The following CFAP77 variants were observed in gnomAD, a reference collection of about 807,000 sequenced individuals.
CFAP77 encodes cilia and flagella associated protein 77, also known as cilia- and flagella-associated protein 77.
CFAP77 carries 25 observed loss-of-function variants against 31.1 expected under a neutral mutation model. The ratio of observed to expected loss-of-function variants is 0.80; its 90% CI spans 0.59 to 1.12. The LOEUF (loss-of-function observed/expected upper bound fraction) is 1.12. Among genes scored for constraint, CFAP77 ranks in the 50% most tolerant of loss-of-function variants. The probability of loss-of-function intolerance (pLI) is 0.00; values close to 1 mark genes in which losing one functional copy is unlikely to be tolerated. For synonymous variants in CFAP77, 151 were observed against 159.9 expected (o/e 0.94, Z 0.42); for missense variants, 377 against 397.3 (o/e 0.95, Z 0.44).
At chr9:132,568,745 T>C (rs1220056588) in intron 5 of CFAP77, among the ~76,000 whole-genome samples, 1 of 152,016 alleles carries the variant, frequency 6.6e-6, no homozygotes, top group Non-Finnish European at 1.5e-5. Flanking sequence ...TGTCCCATAG[T>C]CTGGAGTGCA....
intron 3 of CFAP77, among the ~76,000 whole-genome samples, chr9:132,533,976 C>T (rs548304646): frequency 2.6e-5 from 4 of 152,336 alleles, no homozygotes; most frequent in African/African-American, 9.6e-5. Flanking sequence ...TTTCCCCGAA[C>T]ATGTTTGGTA....
At chr9:132,440,286 A>G (rs764090290) in intron 1 of CFAP77, among the ~76,000 whole-genome samples, 11 of 151,732 alleles carry the variant, frequency 7.2e-5, no homozygotes, top group Non-Finnish European at 1.3e-4. Flanking sequence ...ACAGTGAGCC[A>G]TGGTTACACC....
At chr9:132,439,154 G>A (rs1344055520) in intron 1 of CFAP77, among the ~76,000 whole-genome samples, 1 of 152,106 alleles carries the variant, frequency 6.6e-6, no homozygotes, top group Non-Finnish European at 1.5e-5. Context: ...GGGATTACAG[G>A]CATGAGCCAC....
chr9:132,506,320 T>G (rs542523753), intron 3 of CFAP77, among the ~76,000 whole-genome samples: 1 of 152,308 alleles, frequency 6.6e-6, no homozygotes, highest in South Asian at 2.1e-4. Flanking sequence ...TATGTAACTA[T>G]TAAAGACACA....
rs79764324 is a variant in CFAP77, at chr9:132,455,089, G to A, written c.196-43606G>A. Among the ~76,000 whole-genome samples, 8,566 of 152,288 alleles carry A rather than the reference G, an allele frequency of 0.056. 788 individuals carry two copies. The highest frequency in any genetic ancestry group is 0.19 in the African/African-American group (7,869 of 41,538). On this transcript the variant is annotated intron_variant, in intron 1 of 5. Coordinates refer to ENST00000393216, the MANE Select transcript of CFAP77 (RefSeq NM_001282957.2). This position sits in a 1 kb window ranked among gnomAD's most constrained non-coding sequence, Gnocchi z 4.1. ...ATGGGAAGGCCCAGTGATATCTTGT[G>A]AAGTTTGTTCTACTCGCAGATCCTA...
At chr9:132,500,920 A>G (rs1461998366) in intron 3 of CFAP77, among the ~76,000 whole-genome samples, 2 of 152,210 alleles carry the variant, frequency 1.3e-5, no homozygotes, top group Non-Finnish European at 2.9e-5. Flanking sequence ...CATCCAGTCA[A>G]CACCCCATCT....
intron 1 of CFAP77, among the ~76,000 whole-genome samples, chr9:132,450,829 C>G (rs936467199): frequency 3.3e-5 from 5 of 152,118 alleles, no homozygotes; most frequent in African/African-American, 1.2e-4. Context: ...GCTCAGAGAC[C>G]CAGGAGGAGG....
At position 132,498,609 on chromosome 9, in the gene CFAP77, A is replaced by G. The variant is rs1851783936; in HGVS notation, c.196-86A>G. On this transcript the variant is annotated intron_variant, in intron 1 of 5. Coordinates refer to ENST00000393216, the MANE Select transcript of CFAP77 (RefSeq NM_001282957.2). This position sits in a 1 kb window ranked among gnomAD's most constrained non-coding sequence, Gnocchi z 4.2. ...GGCAGGGCCTGGGGGAAATGCAGGC[A>G]TCTGGTGCCTCCCTGCTGCCGGATT... 2 of 1,035,816 alleles carry G rather than the reference A, an allele frequency of 1.9e-6. No individual in the cohort carries two copies. Among genetic ancestry groups the G allele is most frequent in the Non-Finnish European group, 1.5e-6 (1 of 687,104 alleles). The allele number at this position is 1,035,816 out of a possible 1,614,324, so 64.2% of individuals were successfully genotyped here.
intron 3 of CFAP77, among the ~76,000 whole-genome samples, chr9:132,534,167 CTGGGAAG>C (rs1564243857): frequency 2.6e-5 from 4 of 152,148 alleles, no homozygotes; most frequent in Non-Finnish European, 5.9e-5. Context: ...GACCCATCTG[CTGGGAAG>C]CTCCCCATCA....
chr9:132,450,878 G>A (rs1850813572), intron 1 of CFAP77, among the ~76,000 whole-genome samples: 2 of 152,214 alleles, frequency 1.3e-5, no homozygotes, highest in Non-Finnish European at 2.9e-5. Flanking sequence ...GCAGCAGAGG[G>A]CAAGAAACAA....
At chr9:132,446,916 T>G (rs1208703350) in intron 1 of CFAP77, among the ~76,000 whole-genome samples, 4 of 152,016 alleles carry the variant, frequency 2.6e-5, no homozygotes, top group Non-Finnish European at 5.9e-5. Context: ...AAAATTAATT[T>G]TAAAAATAAA....
intron 1 of CFAP77, among the ~76,000 whole-genome samples, chr9:132,412,420 T>C (rs1017829491): frequency 2.0e-5 from 3 of 152,238 alleles, no homozygotes; most frequent in Non-Finnish European, 4.4e-5. Context: ...GACGTCCACT[T>C]TTCAGTATTT....
chr9:132,549,468 A>G (rs553380312), intron 5 of CFAP77, among the ~76,000 whole-genome samples: 4 of 152,280 alleles, frequency 2.6e-5, no homozygotes, highest in Admixed American at 1.3e-4. Flanking sequence ...TGGAGTTGAC[A>G]CTTCCTCTGT....
At chr9:132,504,197 C>G (rs1589891949) in intron 3 of CFAP77, among the ~76,000 whole-genome samples, 1 of 152,344 alleles carries the variant, frequency 6.6e-6, no homozygotes, top group Non-Finnish European at 1.5e-5. Flanking sequence ...GTTCTGGAGT[C>G]CAGTTGTCAG....
At chr9:132,459,754 ATG>A (rs755805747) in intron 1 of CFAP77, among the ~76,000 whole-genome samples, 72 of 132,272 alleles carry the variant, frequency 5.4e-4, no homozygotes, top group Non-Finnish European at 7.6e-4. Flanking sequence ...GTGTGTGTGT[ATG>A]TGTGTGTATG....
rs536685672 is a variant in CFAP77 at position 132,482,741 on chromosome 9, T to C, written c.196-15954T>C. On this transcript the variant is annotated intron_variant, in intron 1 of 5. Transcript: ENST00000393216. ...CAAGGCAGCCTAGTTGGATTCTCATTTTTTTTTTCTTAAGAACACATGGAC... is the reference window on the plus strand; with the variant it reads ...CAAGGCAGCCTAGTTGGATTCTCATCTTTTTTTTCTTAAGAACACATGGAC... Among the ~76,000 whole-genome samples, 71 of 141,262 alleles carry C rather than the reference T, an allele frequency of 5.0e-4. 1 individual carries two copies. Among genetic ancestry groups the C allele is most frequent in the Non-Finnish European group, 3.2e-4 (21 of 66,134 alleles). 92.7% of individuals were successfully genotyped at this position (141,262 alleles called of 152,430 possible).
At chr9:132,548,935 T>C (rs957306568) in intron 5 of CFAP77, among the ~76,000 whole-genome samples, 1 of 152,204 alleles carries the variant, frequency 6.6e-6, no homozygotes, top group African/African-American at 2.4e-5. Flanking sequence ...CAGACTCCTC[T>C]GTTCGTGGAA....
intron 1 of CFAP77, among the ~76,000 whole-genome samples, chr9:132,457,309 TGG>T (rs5900982): frequency 1.9e-5 from 1 of 51,912 alleles, no homozygotes; most frequent in Admixed American, 1.4e-4. Flanking sequence ...GGGACGGGGG[TGG>T]GGGGGCGGGG....
rs1000640711 is a variant in CFAP77 at position 132,565,974 on chromosome 9, C to T, written c.733-6414C>T. On this transcript the variant is annotated intron_variant, in intron 5 of 5. Coordinates refer to ENST00000393216, the MANE Select transcript of CFAP77 (RefSeq NM_001282957.2). This position sits in a 1 kb window ranked among gnomAD's most constrained non-coding sequence, Gnocchi z 4.1. The stretch of plus-strand genomic sequence containing the variant: ...AGAGCTCCATTCAGCAAAGCTGTCT[C>T]CTGCCAAAGCCATTACAATTTCTTA... 6.6e-6 allele frequency among the ~76,000 whole-genome samples: 1 copy of T among 152,234 alleles called. No homozygotes were observed. The highest frequency in any genetic ancestry group is 1.5e-5 in the Non-Finnish European group (1 of 68,046).
Sources: gnomAD v4.1 joint callset for allele counts (sites outside exome capture counted in the v4.1 genomes callset) on GRCh38, gnomAD v4.1.1 for gene constraint, Gnocchi (gnomAD v3.1) non-coding constraint, MANE v1.5 for transcripts, NCBI Gene and HGNC (gene_info 2026-07-23, HGNC 2026-07-21) for gene names.